The following FAM177B variants were observed in gnomAD, a reference collection of about 807,000 sequenced individuals.
The protein encoded by FAM177B is family with sequence similarity 177 member B, also known as protein FAM177B.
Under a neutral mutation model 16.1 loss-of-function variants are expected in FAM177B, and 16 were observed. The observed-to-expected ratio is 0.99, with a 90% CI of 0.67 to 1.51. FAM177B has a LOEUF of 1.51. Among genes scored for constraint, FAM177B ranks in the 40% most tolerant of loss-of-function variants. The pLI is 0.00. For missense variants in FAM177B, 178 were observed against 183.7 expected (o/e 0.97, Z 0.18); for synonymous variants, 56 against 59.9 (o/e 0.93, Z 0.30).
chr1:222,740,538 G>A (rs1658475201), intron 2 of FAM177B, among the ~76,000 whole-genome samples: 1 of 151,754 alleles, frequency 6.6e-6, no homozygotes, highest in African/African-American at 2.4e-5. Context: ...TATTTGTCTA[G>A]TTACCTTTCA....
chr1:222,750,096 G>C lies in FAM177B; in HGVS notation c.*38G>C. 4 of 1,595,514 alleles carry C rather than the reference G, an allele frequency of 2.5e-6. No homozygotes were observed. The highest frequency in any genetic ancestry group is 3.4e-6 in the Non-Finnish European group (4 of 1,173,098). On this transcript the variant is annotated 3_prime_UTR_variant, in exon 6 of 6. Transcript: ENST00000445590. Reference sequence around the variant, plus strand: ...AGGGAGGGTCTGGTGGCAGATCCTAGCTCATGATGGCAGCAAAGACTGCAG... The same window carrying C: ...AGGGAGGGTCTGGTGGCAGATCCTACCTCATGATGGCAGCAAAGACTGCAG...
At position 222,750,559 on chromosome 1, in the gene FAM177B, G is replaced by A. The variant is rs1244625155; in HGVS notation, c.*501G>A. 1.0e-5 allele frequency: 10 copies of A among 982,394 alleles called. No individual in the cohort carries two copies. Among genetic ancestry groups the A allele is most frequent in the African/African-American group, 5.2e-5 (3 of 57,146 alleles). 60.9% of individuals were successfully genotyped at this position (982,394 alleles called of 1,614,324 possible). A position where few individuals can be genotyped will look rare whatever the true frequency, so the allele number is the denominator to read the frequency against. ...GTAGTTGGGGATTGTTTTACAATAAGTAAACATTGCTAATAACTGTGTTAC... is the reference window on the plus strand; with the variant it reads ...GTAGTTGGGGATTGTTTTACAATAAATAAACATTGCTAATAACTGTGTTAC... On this transcript the variant is annotated 3_prime_UTR_variant, in exon 6 of 6. Transcript: ENST00000445590.
Position 222,746,776 on chromosome 1 carries a change from G to C in FAM177B, c.174+57G>C. 2.9e-6 allele frequency: 4 copies of C among 1,378,914 alleles called. No homozygotes were observed. The South Asian group carries it at 3.9e-5, about 13-fold the overall frequency. 85.4% of individuals were successfully genotyped at this position (1,378,914 alleles called of 1,614,324 possible). On this transcript the variant is annotated intron_variant, in intron 3 of 5. Coordinates refer to ENST00000445590, the MANE Select transcript of FAM177B (RefSeq NM_001394345.1). ...GGTGGGGGAGGCGGTGAATGAACAA[G>C]AGATTGAGCCAGACAAGGTTTATAG...
chr1:222,742,124 T>G (rs61824335), intron 2 of FAM177B, among the ~76,000 whole-genome samples: 4,758 of 152,036 alleles, frequency 0.031, 112 homozygotes, highest in Non-Finnish European at 0.047. Flanking sequence ...CTTCTGAAAC[T>G]ACTATTAGAC....
intron 4 of FAM177B, 90 bp from the exon 5 acceptor site, chr1:222,749,375 T>C (rs1387249335): frequency 4.2e-6 from 3 of 708,672 alleles, no homozygotes; most frequent in Admixed American, 2.5e-5. Flanking sequence ...ATTACTATAC[T>C]ATCAGAATAG....
At chr1:222,748,615 C>A (rs1175626615) in intron 4 of FAM177B, among the ~76,000 whole-genome samples, 1 of 152,088 alleles carries the variant, frequency 6.6e-6, no homozygotes, top group Non-Finnish European at 1.5e-5. Flanking sequence ...ATTTAAAATT[C>A]TAGTAGGTCA....
At chr1:222,748,957 C>A (rs1658923274) in intron 4 of FAM177B, 2 of 467,234 alleles carry the variant, frequency 4.3e-6, no homozygotes. Flanking sequence ...TCTAACAATC[C>A]CAGTGCTGAG....
At chr1:222,746,798 A>G in intron 3 of FAM177B, 79 bp downstream of exon 3, 1 of 1,236,916 alleles carries the variant, frequency 8.1e-7, no homozygotes, top group Non-Finnish European at 1.1e-6. Context: ...GACAAGGTTT[A>G]TAGAAAGAAT....
chr1:222,745,224 T>C (rs1658738805), intron 2 of FAM177B, among the ~76,000 whole-genome samples: 1 of 152,352 alleles, frequency 6.6e-6, no homozygotes, highest in South Asian at 2.1e-4. Flanking sequence ...CAAATAAAAC[T>C]GCTACGAATA....
At chr1:222,748,421 T>C (rs1455789204) in intron 4 of FAM177B, among the ~76,000 whole-genome samples, 1 of 152,140 alleles carries the variant, frequency 6.6e-6, no homozygotes, top group Non-Finnish European at 1.5e-5. Context: ...GGATAGGATG[T>C]ATGGTGAGCC....
chr1:222,742,827 G>A (rs1249805144), intron 2 of FAM177B, among the ~76,000 whole-genome samples: 1 of 151,570 alleles, frequency 6.6e-6, no homozygotes, highest in Non-Finnish European at 1.5e-5. Context: ...TCTGCAATTT[G>A]TTCTTTTCCA....
chr1:222,750,091 T>A lies in FAM177B; in HGVS notation c.*33T>A, dbSNP rs530536546. 2.8e-5 allele frequency: 45 copies of A among 1,599,966 alleles called. 1 individual carries two copies. The South Asian group carries it at 4.9e-4, about 17-fold the overall frequency. ...CATCCAGGGAGGGTCTGGTGGCAGA[T>A]CCTAGCTCATGATGGCAGCAAAGAC... is the stretch of plus-strand genomic sequence containing the variant. On this transcript the variant is annotated 3_prime_UTR_variant, in exon 6 of 6. Transcript: ENST00000445590.
In FAM177B at chr1:222,750,370, T is replaced by C; in HGVS notation, c.*312T>C. ...CATTTGCACAGTAGCATAAATGCCT[T>C]AAGGAACTTTGGGACTGGGAGTTTT... On this transcript the variant is annotated 3_prime_UTR_variant, in exon 6 of 6. Coordinates refer to ENST00000445590, the MANE Select transcript of FAM177B (RefSeq NM_001394345.1). 9.4e-7 allele frequency: 1 copy of C among 1,068,754 alleles called. No individual in the cohort carries two copies. Among genetic ancestry groups the C allele is most frequent in the South Asian group, 3.9e-5 (1 of 25,762 alleles). 66.2% of individuals were successfully genotyped at this position (1,068,754 alleles called of 1,614,324 possible).
chr1:222,740,376 A>G (rs1384413836), intron 2 of FAM177B, among the ~76,000 whole-genome samples: 5 of 152,124 alleles, frequency 3.3e-5, no homozygotes, highest in Non-Finnish European at 7.4e-5. Context: ...ATGATTATTG[A>G]CTTAACTTGG....
At chr1:222,748,514 G>T (rs1429938482) in intron 4 of FAM177B, among the ~76,000 whole-genome samples, 1 of 152,160 alleles carries the variant, frequency 6.6e-6, no homozygotes, top group Non-Finnish European at 1.5e-5. Context: ...GAGGCATAAA[G>T]ATGCTAGCAG....
chr1:222,750,659 T>G lies in FAM177B; in HGVS notation c.*601T>G. 3.8e-5 allele frequency: 22 copies of G among 583,870 alleles called. No homozygotes were observed. The highest frequency in any genetic ancestry group is 6.1e-5 in the African/African-American group (3 of 49,378). 36.2% of individuals were successfully genotyped at this position (583,870 alleles called of 1,614,324 possible). A position where few individuals can be genotyped will look rare whatever the true frequency, so the allele number is the denominator to read the frequency against. On this transcript the variant is annotated 3_prime_UTR_variant, in exon 6 of 6. Transcript: ENST00000445590. Reference sequence around the variant, plus strand: ...AACAATTGATAAATAATATAAGCTCTAGAAAAAAATATTAATGGATTATTT... The same window carrying G: ...AACAATTGATAAATAATATAAGCTCGAGAAAAAAATATTAATGGATTATTT...
rs1210482626 is a variant in FAM177B, at chr1:222,750,349, T to G, written c.*291T>G. On this transcript the variant is annotated 3_prime_UTR_variant, in exon 6 of 6. Coordinates refer to ENST00000445590, the MANE Select transcript of FAM177B (RefSeq NM_001394345.1). ...TACAAGTCCCATGAGTACTGACATT[T>G]GCACAGTAGCATAAATGCCTTAAGG... The G allele has an allele frequency of 1.7e-5, 19 of 1,138,756 alleles. No homozygotes were observed. Among genetic ancestry groups the G allele is most frequent in the Middle Eastern group, 7.3e-4 (2 of 2,724 alleles). 70.5% of individuals were successfully genotyped at this position (1,138,756 alleles called of 1,614,324 possible).
Position 222,749,457 on chromosome 1 carries a change from T to C in FAM177B, c.242-8T>C. On this transcript the variant is annotated splice_region_variant and splice_polypyrimidine_tract_variant and intron_variant, in intron 4 of 5. Coordinates refer to ENST00000445590, the MANE Select transcript of FAM177B (RefSeq NM_001394345.1). ...TCAGTTTACGCAAGTGCTCGTTCTTTCTTTTAGCATGTGAATTCCTTGGTG... is the reference window on the plus strand; with the variant it reads ...TCAGTTTACGCAAGTGCTCGTTCTTCCTTTTAGCATGTGAATTCCTTGGTG... 6.4e-7 allele frequency: 1 copy of C among 1,574,048 alleles called. No homozygotes were observed. Among genetic ancestry groups the C allele is most frequent in the South Asian group, 1.1e-5 (1 of 88,212 alleles).
rs755645336 is a variant in FAM177B, at chr1:222,750,575, A to T, written c.*517A>T. On this transcript the variant is annotated 3_prime_UTR_variant, in exon 6 of 6. Transcript: ENST00000445590. ...TTACAATAAGTAAACATTGCTAATA[A>T]CTGTGTTACAAGATCATTATCAAGA... is the stretch of plus-strand genomic sequence containing the variant. 1 of 975,350 alleles carries T rather than the reference A, an allele frequency of 1.0e-6. No individual in the cohort carries two copies. The highest frequency in any genetic ancestry group is 1.2e-6 in the Non-Finnish European group (1 of 820,716). 60.4% of individuals were successfully genotyped at this position (975,350 alleles called of 1,614,324 possible).
Sources: allele counts gnomAD v4.1 joint callset (sites outside exome capture counted in the v4.1 genomes callset), GRCh38; gene constraint gnomAD v4.1.1; transcripts MANE v1.5; gene names NCBI Gene and HGNC (gene_info 2026-07-23, HGNC 2026-07-21).